Variants in GPC6 observed in about 807,000 individuals in gnomAD.
The protein encoded by GPC6 is glypican 6.
Under a neutral mutation model 55.2 loss-of-function variants are expected in GPC6, and 14 were observed. The ratio of observed to expected loss-of-function variants is 0.25; its 90% CI spans 0.17 to 0.40. The LOEUF (loss-of-function observed/expected upper bound fraction) is 0.40. GPC6 is among the 10% of genes least tolerant of loss of function. The pLI, the probability that GPC6 is intolerant of heterozygous loss-of-function variation, is 1.00. For synonymous variants in GPC6, 278 were observed against 259.6 expected (o/e 1.07, Z -0.68); for missense variants, 641 against 708.5 (o/e 0.90, Z 1.08).
intron 1 of GPC6, among the ~76,000 whole-genome samples, chr13:93,542,339 T>C (rs972090868): frequency 5.1e-4 from 78 of 152,290 alleles, no homozygotes; most frequent in African/African-American, 1.8e-3. Context: ...GTTGTAGATA[T>C]GCGGCATTAT....
chr13:93,673,474 C>T (rs1371632740), intron 2 of GPC6, among the ~76,000 whole-genome samples: 1 of 152,146 alleles, frequency 6.6e-6, no homozygotes, highest in Non-Finnish European at 1.5e-5. Context: ...GATAGTGCCA[C>T]TGCACTGCAG....
chr13:93,645,856 T>G (rs546955863), intron 2 of GPC6, among the ~76,000 whole-genome samples: 1 of 152,242 alleles, frequency 6.6e-6, no homozygotes, highest in South Asian at 2.1e-4. Flanking sequence ...GAGTTCTTTA[T>G]CATCACGCTA....
chr13:94,264,210 G>C (rs954675430), intron 4 of GPC6, among the ~76,000 whole-genome samples: 4 of 152,128 alleles, frequency 2.6e-5, no homozygotes, highest in Admixed American at 2.6e-4. Context: ...CAAAACCAAG[G>C]CTTCTATTGC....
In GPC6 at chr13:94,338,089, A is replaced by C. The variant is rs574789554; in HGVS notation, c.1152+31966A>C. ...TTTCTTTCCGTGAGCATTGTGATTG[A>C]GGTTCTTCCTTAGCAACAATCGTTT... On this transcript the variant is annotated intron_variant, in intron 6 of 8. Coordinates refer to ENST00000377047, the MANE Select transcript of GPC6 (RefSeq NM_005708.5). Among the ~76,000 whole-genome samples, 7 of 152,354 alleles carry C rather than the reference A, an allele frequency of 4.6e-5. No homozygotes were observed. In the East Asian group the frequency reaches 1.3e-3, roughly 29 times the overall value.
chr13:93,752,825 T>C (rs530693233), intron 2 of GPC6, among the ~76,000 whole-genome samples: 14 of 152,306 alleles, frequency 9.2e-5, no homozygotes, highest in African/African-American at 2.9e-4. Flanking sequence ...GAGGCATGAC[T>C]GAGCCTCTGG....
At chr13:94,291,171 C>T (rs112474919) in intron 5 of GPC6, among the ~76,000 whole-genome samples, 3 of 148,998 alleles carry the variant, frequency 2.0e-5, no homozygotes, top group African/African-American at 5.0e-5. Context: ...CTAGCCTGGG[C>T]GAGAGAGCAA....
chr13:94,186,080 A>AAAAAAAAAAT (rs1555305226), intron 4 of GPC6, among the ~76,000 whole-genome samples: 1 of 149,286 alleles, frequency 6.7e-6, no homozygotes, highest in African/African-American at 2.5e-5. Flanking sequence ...AAAAAAAAAA[A>AAAAAAAAAAT]GGTTTTCTTA....
At chr13:93,504,633 G>T (rs933988648) in intron 1 of GPC6, among the ~76,000 whole-genome samples, 1 of 151,634 alleles carries the variant, frequency 6.6e-6, no homozygotes, top group Admixed American at 6.6e-5. Context: ...GAATGCATTG[G>T]CTCAAATAGC....
intron 4 of GPC6, among the ~76,000 whole-genome samples, chr13:94,140,499 T>C (rs1041716233): frequency 7.2e-5 from 11 of 152,204 alleles, no homozygotes; most frequent in Non-Finnish European, 1.5e-5. Flanking sequence ...CTGGGAACTG[T>C]TGGAAGCATT....
At chr13:93,883,019 C>CT in intron 3 of GPC6, among the ~76,000 whole-genome samples, 1 of 151,908 alleles carries the variant, frequency 6.6e-6, no homozygotes, top group African/African-American at 2.4e-5. Context: ...CTCGTATTTT[C>CT]TTTTTTTCTC....
intron 3 of GPC6, among the ~76,000 whole-genome samples, chr13:93,943,350 A>G (rs140119580): frequency 4.1e-4 from 63 of 152,260 alleles, no homozygotes; most frequent in African/African-American, 1.4e-3. Context: ...GCTTAACCCA[A>G]TGAGATGCGT....
At chr13:94,109,643 T>C (rs911185357) in intron 4 of GPC6, among the ~76,000 whole-genome samples, 1 of 151,910 alleles carries the variant, frequency 6.6e-6, no homozygotes, top group African/African-American at 2.4e-5. Flanking sequence ...GTTACAGGAG[T>C]CTTTTCGAAT....
intron 1 of GPC6, among the ~76,000 whole-genome samples, chr13:93,442,641 A>C (rs1877847981): frequency 6.6e-6 from 1 of 152,172 alleles, no homozygotes; most frequent in African/African-American, 2.4e-5. Context: ...CACAGCGATG[A>C]CTACGAATGT....
chr13:93,749,288 G>A (rs1884500301), intron 2 of GPC6, among the ~76,000 whole-genome samples: 1 of 151,540 alleles, frequency 6.6e-6, no homozygotes, highest in Admixed American at 6.6e-5. Flanking sequence ...TTTATCTTTG[G>A]TAAGATATTT....
chr13:93,544,030 G>T (rs1882439406), intron 1 of GPC6, among the ~76,000 whole-genome samples: 1 of 149,662 alleles, frequency 6.7e-6, no homozygotes, highest in Non-Finnish European at 1.5e-5. Flanking sequence ...ACATCACAGT[G>T]ATTTTGATTT....
chr13:94,290,436 AAAAAAAAAAAAAAG>A (rs937406082), intron 5 of GPC6, among the ~76,000 whole-genome samples: 5 of 145,608 alleles, frequency 3.4e-5, no homozygotes, highest in African/African-American at 1.2e-4. Context: ...AGGTAAAAAA[AAAAAAAAAAAAAAG>A]AAAAAGAAAA....
rs138135392 is a variant in GPC6, at chr13:93,389,413, A to C, written c.161-155850A>C. ...TAGCTACTTGGGAGGCTGAGGCAGG[A>C]GAATGGCGTGAACCCAAGAGGTGGA... On this transcript the variant is annotated intron_variant, in intron 1 of 8. Coordinates refer to ENST00000377047, the MANE Select transcript of GPC6 (RefSeq NM_005708.5). Among the ~76,000 whole-genome samples the C allele has an allele frequency of 1.6e-4, 25 of 151,820 alleles. 1 individual carries two copies. Among genetic ancestry groups the C allele is most frequent in the African/African-American group, 5.1e-4 (21 of 41,422 alleles).
chr13:94,173,678 T>C (rs1217291106), intron 4 of GPC6, among the ~76,000 whole-genome samples: 1 of 152,156 alleles, frequency 6.6e-6, no homozygotes, highest in Non-Finnish European at 1.5e-5. Flanking sequence ...CGAACTCAAG[T>C]TGAGATTTTG....
intron 1 of GPC6, among the ~76,000 whole-genome samples, chr13:93,487,093 A>G (rs1879749448): frequency 1.3e-5 from 2 of 152,190 alleles, no homozygotes. Context: ...TCACTCCCTT[A>G]TTCATTGTTT....
Sources: allele counts gnomAD v4.1 joint callset (sites outside exome capture counted in the v4.1 genomes callset), GRCh38; gene constraint gnomAD v4.1.1; transcripts MANE v1.5; gene names NCBI Gene and HGNC (gene_info 2026-07-23, HGNC 2026-07-21).